CXCL13: variants seen among roughly 807,000 people sequenced by gnomAD.
CXCL13 encodes the protein C-X-C motif chemokine 13.
Under a neutral mutation model 12.2 loss-of-function variants are expected in CXCL13, and 7 were observed. The ratio of observed to expected loss-of-function variants is 0.57; its 90% CI spans 0.33 to 1.07. CXCL13 has a LOEUF of 1.07. Ranked by LOEUF, CXCL13 falls within the 50% of genes least tolerant of loss-of-function variation. The probability of loss-of-function intolerance (pLI) is 0.04; values close to 1 mark genes in which losing one functional copy is unlikely to be tolerated. For missense variants in CXCL13, 113 were observed against 127.4 expected (o/e 0.89, Z 0.55); for synonymous variants, 47 against 42.4 (o/e 1.11, Z -0.42).
Position 77,543,261 on chromosome 4 carries a change from A to AT in CXCL13, c.-43+31475dup, listed in dbSNP as rs778419541. 1.3e-3 allele frequency among the ~76,000 whole-genome samples: 194 copies of AT among 151,458 alleles called. 1 individual carries two copies. The highest frequency in any genetic ancestry group is 4.8e-3 in the Admixed American group (73 of 15,158). On this transcript the variant is annotated intron_variant, in intron 1 of 4. Coordinates refer to the CXCL13 transcript ENST00000286758. ...ATTTTTCCTGTTTTTTTCATTTTTT[A>AT]TTAATGTAGTCTAGTGTCTATCAAT...
chr4:77,611,568 T>A lies in CXCL13; in HGVS notation c.*529T>A. ...ACGGAGGAGAATTAAGTCCTACTTT[T>A]AAAGAATTTCTTTATAAAATTTACT... On this transcript the variant is annotated 3_prime_UTR_variant, in exon 4 of 4. Coordinates refer to ENST00000682537, the MANE Select transcript of CXCL13 (RefSeq NM_001371558.1). 1 of 397,874 alleles carries A rather than the reference T, an allele frequency of 2.5e-6. No homozygotes were observed. Among genetic ancestry groups the A allele is most frequent in the Non-Finnish European group, 4.4e-6 (1 of 225,980 alleles). 24.6% of individuals were successfully genotyped at this position (397,874 alleles called of 1,614,324 possible). A position where few individuals can be genotyped will look rare whatever the true frequency, so the allele number is the denominator to read the frequency against.
chr4:77,560,044 T>C (rs908346972), intron 1 of CXCL13, among the ~76,000 whole-genome samples: 1 of 143,116 alleles, frequency 7.0e-6, no homozygotes, highest in Non-Finnish European at 1.5e-5. Context: ...GCAATGAGGT[T>C]GTTTTCTTTC....
At chr4:77,584,722 G>A (rs1168040407) in intron 1 of CXCL13, among the ~76,000 whole-genome samples, 1 of 152,162 alleles carries the variant, frequency 6.6e-6, no homozygotes, top group Non-Finnish European at 1.5e-5. Context: ...GGGAAAGCTG[G>A]GGTCAGGAAG....
intron 1 of CXCL13, among the ~76,000 whole-genome samples, chr4:77,581,225 T>C (rs571405410): frequency 1.3e-5 from 2 of 152,288 alleles, no homozygotes; most frequent in East Asian, 1.9e-4. Flanking sequence ...TTGTACACTT[T>C]AAATGGGTGA....
At chr4:77,558,480 G>C (rs1383811517) in intron 1 of CXCL13, among the ~76,000 whole-genome samples, 3 of 152,174 alleles carry the variant, frequency 2.0e-5, no homozygotes, top group Non-Finnish European at 4.4e-5. Context: ...AGCCTCCCAA[G>C]TAACTGGGAC....
intron 1 of CXCL13, among the ~76,000 whole-genome samples, chr4:77,556,885 G>A (rs1725671845): frequency 6.6e-6 from 1 of 152,026 alleles, no homozygotes; most frequent in Non-Finnish European, 1.5e-5. Context: ...CAGGCGTGGG[G>A]GCACACACCT....
intron 1 of CXCL13, among the ~76,000 whole-genome samples, chr4:77,562,338 C>T (rs1009203988): frequency 1.3e-4 from 20 of 152,116 alleles, no homozygotes; most frequent in Middle Eastern, 3.4e-3. Flanking sequence ...GCACAAGGCA[C>T]GGGATTGGCA....
chr4:77,580,203 C>CTA (rs1205426241), intron 1 of CXCL13, among the ~76,000 whole-genome samples: 2 of 147,210 alleles, frequency 1.4e-5, no homozygotes, highest in Non-Finnish European at 3.0e-5. Flanking sequence ...GCCATGCAAT[C>CTA]TATGCATGTA....
intron 1 of CXCL13, among the ~76,000 whole-genome samples, chr4:77,537,559 A>G (rs1725089540): frequency 6.6e-6 from 1 of 152,234 alleles, no homozygotes; most frequent in Non-Finnish European, 1.5e-5. Flanking sequence ...GTGTTGGATA[A>G]CAGTCATCCA....
chr4:77,534,638 A>G (rs1441508245), intron 1 of CXCL13, among the ~76,000 whole-genome samples: 1 of 152,210 alleles, frequency 6.6e-6, no homozygotes, highest in Non-Finnish European at 1.5e-5. Flanking sequence ...CTAAAAATAA[A>G]GTTTAATTTT....
intron 1 of CXCL13, among the ~76,000 whole-genome samples, chr4:77,540,812 T>A (rs1236931887): frequency 6.6e-6 from 1 of 152,210 alleles, no homozygotes; most frequent in African/African-American, 2.4e-5. Flanking sequence ...AGTTCCTTTT[T>A]AAGTTCTTTG....
intron 1 of CXCL13, among the ~76,000 whole-genome samples, chr4:77,551,585 T>C (rs907652875): frequency 6.6e-6 from 1 of 152,220 alleles, no homozygotes; most frequent in Non-Finnish European, 1.5e-5. Flanking sequence ...CTACATGCCT[T>C]GATGACACTC....
chr4:77,608,328 T>C (rs1304922809), intron 2 of CXCL13, among the ~76,000 whole-genome samples: 2 of 151,846 alleles, frequency 1.3e-5, no homozygotes, highest in African/African-American at 4.8e-5. Context: ...TAATCCTAGC[T>C]ACTTGGGAGG....
intron 1 of CXCL13, among the ~76,000 whole-genome samples, chr4:77,579,653 C>G (rs1052566582): frequency 6.6e-6 from 1 of 151,942 alleles, no homozygotes; most frequent in African/African-American, 2.4e-5. Flanking sequence ...CTGTTAAGGA[C>G]CTTTTATTTT....
chr4:77,608,252 C>G (rs1727042469), intron 2 of CXCL13, among the ~76,000 whole-genome samples: 1 of 152,036 alleles, frequency 6.6e-6, no homozygotes, highest in African/African-American at 2.4e-5. Flanking sequence ...ACCAGCCTGA[C>G]CAACATGGAG....
chr4:77,548,482 CT>C lies in CXCL13; in HGVS notation c.-43+36697del, dbSNP rs1391215287. On this transcript the variant is annotated intron_variant, in intron 1 of 4. Transcript: ENST00000286758. ...AGGAGGGGAAGGCAGTGAATTTCTA[CT>C]TTATGCATATTTTAGGGAGCAATAC... 1.4e-4 allele frequency among the ~76,000 whole-genome samples: 21 copies of C among 152,314 alleles called. 1 individual carries two copies. The highest frequency in any genetic ancestry group is 6.8e-3 in the Middle Eastern group (2 of 294).
chr4:77,563,499 G>T (rs1421486270), intron 1 of CXCL13, among the ~76,000 whole-genome samples: 2 of 152,096 alleles, frequency 1.3e-5, no homozygotes, highest in African/African-American at 4.8e-5. Flanking sequence ...CTTATCTCAG[G>T]CTCCACTTCT....
chr4:77,527,875 C>T (rs955985022), intron 1 of CXCL13, among the ~76,000 whole-genome samples: 3 of 151,842 alleles, frequency 2.0e-5, no homozygotes, highest in African/African-American at 7.3e-5. Flanking sequence ...GTGTGTTGTA[C>T]CCATCAACTC....
intron 1 of CXCL13, among the ~76,000 whole-genome samples, chr4:77,596,587 C>T (rs1726764584): frequency 6.6e-6 from 1 of 151,924 alleles, no homozygotes; most frequent in Admixed American, 6.5e-5. Flanking sequence ...GAGTTAGAGA[C>T]CAGCCTGGCC....
Sources: gnomAD v4.1 joint callset for allele counts (sites outside exome capture counted in the v4.1 genomes callset) on GRCh38, gnomAD v4.1.1 for gene constraint, MANE v1.5 for transcripts, NCBI Gene and HGNC (gene_info 2026-07-23, HGNC 2026-07-21) for gene names.